FRMD5: variants seen among roughly 807,000 people sequenced by gnomAD.
The protein encoded by FRMD5 is FERM domain-containing protein 5.
A neutral mutation model predicts 69.0 loss-of-function variants in FRMD5; 20 were observed. The ratio of observed to expected loss-of-function variants is 0.29; its 90% CI spans 0.20 to 0.42. The LOEUF is 0.42. FRMD5 is among the 10% of genes least tolerant of loss of function. FRMD5 has a pLI of 1.00. For synonymous variants in FRMD5, 271 were observed against 260.1 expected (o/e 1.04, Z -0.40); for missense variants, 595 against 708.6 (o/e 0.84, Z 1.82).
At chr15:44,159,506 C>T (rs1029021502) in intron 1 of FRMD5, among the ~76,000 whole-genome samples, 1 of 152,156 alleles carries the variant, frequency 6.6e-6, no homozygotes, top group East Asian at 1.9e-4. Context: ...AATGAATTGA[C>T]TTCCAAGACA....
rs139708658 is a variant in FRMD5 at position 43,982,903 on chromosome 15, C to T, written c.103-58594G>A. The stretch of plus-strand genomic sequence containing the variant: ...TTGGAAAGAAAAAACTAGGTAGTCA[C>T]TTGCAAACTAAATTTCCCCAGGTAT... On this transcript the variant is annotated intron_variant, in intron 1 of 13. Transcript: ENST00000417257. Among the ~76,000 whole-genome samples, 353 of 152,078 alleles carry T rather than the reference C, an allele frequency of 2.3e-3. 7 individuals carry two copies. In the East Asian group the frequency reaches 0.06, roughly 26 times the overall value.
intron 1 of FRMD5, among the ~76,000 whole-genome samples, chr15:43,949,705 G>A (rs1265470682): frequency 6.6e-6 from 1 of 152,178 alleles, no homozygotes; most frequent in Non-Finnish European, 1.5e-5. Context: ...TGTCTTACAG[G>A]TGAAGCAGTC....
chr15:44,091,452 T>C (rs994262716), intron 1 of FRMD5, among the ~76,000 whole-genome samples: 2 of 152,182 alleles, frequency 1.3e-5, no homozygotes, highest in African/African-American at 4.8e-5. Flanking sequence ...ATAAGTCTCC[T>C]TATCACCAGT....
At chr15:44,112,817 G>C (rs1440386546) in intron 1 of FRMD5, among the ~76,000 whole-genome samples, 2 of 149,874 alleles carry the variant, frequency 1.3e-5, no homozygotes, top group Non-Finnish European at 3.0e-5. Flanking sequence ...GGCTGGTCTC[G>C]AACTCCTGAC....
intron 1 of FRMD5, among the ~76,000 whole-genome samples, chr15:43,960,231 G>A (rs1285961224): frequency 3.3e-5 from 5 of 152,134 alleles, no homozygotes; most frequent in Non-Finnish European, 5.9e-5. Flanking sequence ...TGGGACTACA[G>A]GCGCCCACCA....
intron 1 of FRMD5, among the ~76,000 whole-genome samples, chr15:43,945,796 A>G (rs2089937194): frequency 1.3e-5 from 2 of 152,076 alleles, no homozygotes; most frequent in South Asian, 4.1e-4. Flanking sequence ...GTGGTGGCTC[A>G]CCTGTAATCC....
chr15:43,913,247 A>C (rs2089322306), intron 4 of FRMD5, among the ~76,000 whole-genome samples: 1 of 152,150 alleles, frequency 6.6e-6, no homozygotes, highest in South Asian at 2.1e-4. Flanking sequence ...CTGGTGATAA[A>C]ACAGCTGCAG....
intron 1 of FRMD5, among the ~76,000 whole-genome samples, chr15:43,969,668 A>T (rs560441816): frequency 6.6e-6 from 1 of 152,366 alleles, no homozygotes; most frequent in East Asian, 1.9e-4. Flanking sequence ...GACTCCTTTT[A>T]AACATCTTAG....
At chr15:44,172,653 A>G (rs2077825188) in intron 1 of FRMD5, among the ~76,000 whole-genome samples, 1 of 152,216 alleles carries the variant, frequency 6.6e-6, no homozygotes. Flanking sequence ...CAAGCATATG[A>G]AACTCCCAAG....
chr15:44,183,343 TA>T (rs1211308149), intron 1 of FRMD5, among the ~76,000 whole-genome samples: 1 of 152,138 alleles, frequency 6.6e-6, no homozygotes, highest in Non-Finnish European at 1.5e-5. Context: ...GTAGGATTTT[TA>T]AAAGATAAAA....
intron 1 of FRMD5, among the ~76,000 whole-genome samples, chr15:44,160,280 C>T (rs1253449476): frequency 2.6e-5 from 4 of 152,172 alleles, no homozygotes; most frequent in South Asian, 2.1e-4. Context: ...CACTTGAACC[C>T]GGGAAGCAGA....
At chr15:44,033,760 A>C (rs148086405) in intron 1 of FRMD5, among the ~76,000 whole-genome samples, 19 of 152,324 alleles carry the variant, frequency 1.2e-4, no homozygotes, top group African/African-American at 1.7e-4. Context: ...CTGATTCTGA[A>C]ACTTAGTAAC....
At chr15:44,104,975 G>A (rs1200886749) in intron 1 of FRMD5, among the ~76,000 whole-genome samples, 1 of 151,864 alleles carries the variant, frequency 6.6e-6, no homozygotes, top group African/African-American at 2.4e-5. Flanking sequence ...TTTCTCAGCT[G>A]ACAGATATTT....
intron 13 of FRMD5, among the ~76,000 whole-genome samples, chr15:43,880,328 G>A (rs561321106): frequency 5.9e-5 from 9 of 152,092 alleles, no homozygotes; most frequent in South Asian, 2.1e-4. Flanking sequence ...TGTTGGTTGC[G>A]CCCTTCTTCT....
chr15:44,182,953 G>A (rs1403823467), intron 1 of FRMD5, among the ~76,000 whole-genome samples: 5 of 150,666 alleles, frequency 3.3e-5, no homozygotes, highest in East Asian at 2.0e-4. Flanking sequence ...CTGCCACCAC[G>A]CCAGGCTAAA....
intron 1 of FRMD5, among the ~76,000 whole-genome samples, chr15:43,992,575 A>G (rs1889736757): frequency 6.6e-6 from 1 of 152,070 alleles, no homozygotes; most frequent in Non-Finnish European, 1.5e-5. Flanking sequence ...ACAGGGTTTC[A>G]CCACATTGGC....
In FRMD5 at chr15:43,874,001, G is replaced by A. The variant is rs764786323; in HGVS notation, c.1597C>T (p.Arg533Cys). The change falls in exon 14 of 14, where the codon CGT becomes TGT. Residue 533 changes from arginine (R) to cysteine (C), a missense_variant. By Grantham distance (180) the Arg-to-Cys change is radical. Transcript: ENST00000417257. Reference sequence around the variant, plus strand: ...AACTCGGGGGTCTGGCGGATATCACGGAAAAAGGCAATGTCAAGGTCAGAC... The same window carrying A: ...AACTCGGGGGTCTGGCGGATATCACAGAAAAAGGCAATGTCAAGGTCAGAC... The part of the protein sequence containing the change: ...TESDLDIAFF[R>C]DIRQTPEFEQ... 2.5e-6 allele frequency: 4 copies of A among 1,614,046 alleles called. No individual in the cohort carries two copies. The highest frequency in any genetic ancestry group is 1.1e-5 in the South Asian group (1 of 91,086).
chr15:44,069,868 C>G (rs1199420011), intron 1 of FRMD5, among the ~76,000 whole-genome samples: 1 of 152,112 alleles, frequency 6.6e-6, no homozygotes, highest in Admixed American at 6.6e-5. Context: ...TGTAAATCTA[C>G]AATTATCTCA....
At chr15:43,911,812 G>A (rs1011803087) in intron 4 of FRMD5, among the ~76,000 whole-genome samples, 7 of 152,136 alleles carry the variant, frequency 4.6e-5, no homozygotes, top group Admixed American at 1.3e-4. Flanking sequence ...ATGAAACAGA[G>A]GATTCCTTGT....
Sources: allele counts gnomAD v4.1 joint callset (sites outside exome capture counted in the v4.1 genomes callset), GRCh38; gene constraint gnomAD v4.1.1; transcripts MANE v1.5; gene names NCBI Gene and HGNC (gene_info 2026-07-23, HGNC 2026-07-21).